The following CASP10 variants were observed in gnomAD, a reference collection of about 807,000 sequenced individuals.
The protein encoded by CASP10 is caspase-10.
CASP10 carries 41 observed loss-of-function variants against 48.5 expected under a neutral mutation model. The observed-to-expected ratio is 0.85, with a 90% CI of 0.66 to 1.10. The LOEUF (loss-of-function observed/expected upper bound fraction) is 1.10. Ranked by LOEUF, CASP10 falls within the 50% of genes least tolerant of loss-of-function variation. CASP10 has a pLI of 0.00. For missense variants in CASP10, 614 were observed against 614.5 expected (o/e 1.00, Z 0.01); for synonymous variants, 232 against 238.4 (o/e 0.97, Z 0.25).
intron 5 of CASP10, 71 bp downstream of exon 5, chr2:201,196,019 C>A: frequency 4.9e-6 from 5 of 1,024,076 alleles, no homozygotes; most frequent in African/African-American, 1.6e-5. Context: ...CCCTGCCACC[C>A]CAAAAAAGAA....
downstream of CASP10, among the ~76,000 whole-genome samples, chr2:201,222,220 C>CTTTTTTTTTTTTTTTTT (rs11392581): frequency 7.3e-6 from 1 of 136,658 alleles, no homozygotes. Flanking sequence ...TTTATTCATT[C>CTTTTTTTTTTTTTTTTT]TTTTTTTTTT....
chr2:201,188,734 G>T (rs990693408), intron 3 of CASP10, among the ~76,000 whole-genome samples: 2 of 152,060 alleles, frequency 1.3e-5, no homozygotes, highest in Non-Finnish European at 2.9e-5. Context: ...GATCCGTTTG[G>T]CAAGACTATA....
chr2:201,219,231 C>T lies in CASP10; in HGVS notation c.*1490C>T, dbSNP rs1337123564. ...GCTGTGGTGAGCCAAGATGACACAACTGCACTCCAGCTTGGGCAACAGGGC... is the reference window on the plus strand; with the variant it reads ...GCTGTGGTGAGCCAAGATGACACAATTGCACTCCAGCTTGGGCAACAGGGC... On this transcript the variant is annotated 3_prime_UTR_variant, in exon 10 of 10. Transcript: ENST00000286186. 1.1e-5 allele frequency: 2 copies of T among 189,330 alleles called. No homozygotes were observed. Among genetic ancestry groups the T allele is most frequent in the Non-Finnish European group, 2.0e-5 (2 of 102,090 alleles). 11.7% of individuals were successfully genotyped at this position (189,330 alleles called of 1,614,324 possible).
intron 9 of CASP10, chr2:201,214,479 A>C (rs1945505647): frequency 6.6e-6 from 1 of 152,138 alleles, no homozygotes; most frequent in Non-Finnish European, 1.5e-5. Context: ...GGGTGATGTT[A>C]GCGGATCAGA....
At chr2:201,194,886 C>A (rs1051304250) in intron 4 of CASP10, among the ~76,000 whole-genome samples, 23 of 151,918 alleles carry the variant, frequency 1.5e-4, no homozygotes, top group African/African-American at 5.6e-4. Context: ...TCACACCATT[C>A]TTCCGCCTCA....
At chr2:201,215,226 T>G (rs1384505818) in intron 9 of CASP10, among the ~76,000 whole-genome samples, 1 of 148,642 alleles carries the variant, frequency 6.7e-6, no homozygotes, top group Non-Finnish European at 1.5e-5. Context: ...TTTTTTTTTT[T>G]TTTTTTTTTT....
chr2:201,198,109 G>A (rs979796457), intron 5 of CASP10, among the ~76,000 whole-genome samples: 3 of 152,066 alleles, frequency 2.0e-5, no homozygotes, highest in African/African-American at 7.2e-5. Flanking sequence ...GACTAGGGCT[G>A]TCGAGCATCT....
intron 9 of CASP10, among the ~76,000 whole-genome samples, chr2:201,227,396 A>G (rs1945802036): frequency 6.6e-6 from 1 of 152,104 alleles, no homozygotes; most frequent in Admixed American, 6.6e-5. Flanking sequence ...CAAAGCAAGG[A>G]TAAGGGGTAT....
intron 3 of CASP10, among the ~76,000 whole-genome samples, chr2:201,189,986 T>G (rs1944551749): frequency 6.6e-6 from 1 of 152,056 alleles, no homozygotes; most frequent in Non-Finnish European, 1.5e-5. Context: ...GGTAACAGAG[T>G]GAGACCCTGT....
intron 9 of CASP10, chr2:201,214,329 G>A (rs1309828182): frequency 3.3e-5 from 5 of 152,190 alleles, no homozygotes; most frequent in African/African-American, 1.2e-4. Flanking sequence ...TTCTGTGGCT[G>A]TAAATGCTAT....
intron 5 of CASP10, among the ~76,000 whole-genome samples, chr2:201,200,071 T>C (rs933196846): frequency 2.0e-5 from 3 of 152,200 alleles, no homozygotes; most frequent in Non-Finnish European, 4.4e-5. Flanking sequence ...ACAGAAGTGA[T>C]GTGTCTTTCT....
At position 201,186,020 on chromosome 2, in the gene CASP10, A is replaced by C; in HGVS notation, c.243A>C (p.Glu81Asp). The C allele has an allele frequency of 6.2e-7, 1 of 1,613,258 alleles. No homozygotes were observed. The highest frequency in any genetic ancestry group is 1.7e-5 in the Admixed American group (1 of 59,990). ...AGGAAGACCCTTTCTTCCTGGCAGAACTCCTCTATATCATACGGCAGAAGA... is the reference window on the plus strand; with the variant it reads ...AGGAAGACCCTTTCTTCCTGGCAGACCTCCTCTATATCATACGGCAGAAGA... Reference protein sequence around the residue: ...LSEEDPFFLAELLYIIRQKKL... With the variant: ...LSEEDPFFLADLLYIIRQKKL... The change falls in exon 2 of 10, where the codon GAA (glutamate) becomes GAC (aspartate). Residue 81 changes from glutamate to aspartate, a missense_variant. Glu to Asp is a conservative substitution (Grantham distance 45). Coordinates refer to ENST00000286186, the MANE Select transcript of CASP10 (RefSeq NM_032977.4).
chr2:201,210,046 G>A (rs1484395185), intron 9 of CASP10, among the ~76,000 whole-genome samples: 2 of 152,232 alleles, frequency 1.3e-5, no homozygotes, highest in Non-Finnish European at 2.9e-5. Flanking sequence ...ACAAATAGAT[G>A]TTAGGTAAAG....
At chr2:201,197,727 C>T (rs1221846185) in intron 5 of CASP10, among the ~76,000 whole-genome samples, 1 of 152,244 alleles carries the variant, frequency 6.6e-6, no homozygotes, top group Non-Finnish European at 1.5e-5. Flanking sequence ...TGAGGACTCA[C>T]TGTATTACAT....
rs1157074748 is a variant in CASP10, at chr2:201,185,816, T to A, written c.39T>A (p.Asp13Glu). Residue 13 changes from aspartate to glutamate, a missense_variant, in exon 2 of 10, where the codon GAT becomes GAA. Physicochemically the swap from Asp to Glu is conservative, Grantham distance 45 (BLOSUM62 2). Coordinates refer to ENST00000286186, the MANE Select transcript of CASP10 (RefSeq NM_032977.4). ...SQGQHWYSSSDKNCKVSFREK... is the reference protein window; with the variant it reads ...SQGQHWYSSSEKNCKVSFREK... ...GTCAACATTGGTATTCCAGTTCAGA[T>A]AAAAACTGTAAAGTGAGCTTTCGTG... The A allele has an allele frequency of 1.2e-6, 2 of 1,614,106 alleles. No individual in the cohort carries two copies. Among genetic ancestry groups the A allele is most frequent in the Non-Finnish European group, 1.7e-6 (2 of 1,179,988 alleles).
rs1945628842 is a variant in CASP10, at chr2:201,218,016, C to A, written c.*275C>A. ...GTAGTCTCGACCTCCCAGGCTCAAGCTGTCCTCCCGCCTCAGCTTCCCAAG... is the reference window on the plus strand; with the variant it reads ...GTAGTCTCGACCTCCCAGGCTCAAGATGTCCTCCCGCCTCAGCTTCCCAAG... On this transcript the variant is annotated 3_prime_UTR_variant, in exon 10 of 10. Transcript: ENST00000286186. 2 of 879,836 alleles carry A rather than the reference C, an allele frequency of 2.3e-6. No homozygotes were observed. Among genetic ancestry groups the A allele is most frequent in the Non-Finnish European group, 3.1e-6 (2 of 648,718 alleles). The allele number at this position is 879,836 out of a possible 1,614,324, so 54.5% of individuals were successfully genotyped here. A position where few individuals can be genotyped will look rare whatever the true frequency, so the allele number is the denominator to read the frequency against.
At chr2:201,222,410 T>C (rs774359146), downstream of CASP10, among the ~76,000 whole-genome samples, 1 of 152,008 alleles carries the variant, frequency 6.6e-6, no homozygotes, top group Non-Finnish European at 1.5e-5. Context: ...AGAAACAGGG[T>C]TTTGCCATTT....
chr2:201,214,489 A>C (rs886589371), intron 9 of CASP10: 1 of 152,140 alleles, frequency 6.6e-6, no homozygotes, highest in Admixed American at 6.6e-5. Flanking sequence ...AGCGGATCAG[A>C]GGAGAAAGTT....
rs371281131 is a variant in CASP10, at chr2:201,192,952, A to C, written c.442-32A>C. On this transcript the variant is annotated intron_variant, in intron 3 of 9. Coordinates refer to ENST00000286186, the MANE Select transcript of CASP10 (RefSeq NM_032977.4). ...TTGAGTGAGTGGATAATCAATAGGC[A>C]AGTAAATGTAACTCTATTGATTCTC... 5.6e-6 allele frequency: 9 copies of C among 1,608,720 alleles called. No homozygotes were observed. The East Asian group carries it at 8.9e-5, about 16-fold the overall frequency.
Sources: allele counts gnomAD v4.1 joint callset (sites outside exome capture counted in the v4.1 genomes callset), GRCh38; gene constraint gnomAD v4.1.1; transcripts MANE v1.5; gene names NCBI Gene and HGNC (gene_info 2026-07-23, HGNC 2026-07-21).